Variants in PARD3B observed in about 807,000 individuals in gnomAD.
PARD3B encodes the protein par-3 family cell polarity regulator beta.
PARD3B carries 103 observed loss-of-function variants against 130.2 expected under a neutral mutation model. The observed-to-expected ratio is 0.79, with a 90% confidence interval of 0.67 to 0.93. The LOEUF (loss-of-function observed/expected upper bound fraction) is 0.93, where lower values mean the gene tolerates loss of function less well. PARD3B is among the 40% of genes least tolerant of loss of function. The probability of loss-of-function intolerance (pLI) is 0.00; values close to 1 mark genes in which losing one functional copy is unlikely to be tolerated. For missense variants in PARD3B, 1,609 were observed against 1,499.2 expected (o/e 1.07, Z -1.21); for synonymous variants, 583 against 553.2 (o/e 1.05, Z -0.76).
chr2:205,453,344 G>A (rs2048166912), intron 20 of PARD3B, among the ~76,000 whole-genome samples: 3 of 152,142 alleles, frequency 2.0e-5, no homozygotes, highest in Admixed American at 6.6e-5. Context: ...AGTGTAGAGT[G>A]TAAGTCAGGG....
At chr2:204,728,665 G>C (rs73984286) in intron 2 of PARD3B, among the ~76,000 whole-genome samples, 4,183 of 152,220 alleles carry the variant, frequency 0.027, 164 homozygotes, top group East Asian at 0.14. Context: ...CAGTAAAATT[G>C]TTACTGTCTT....
chr2:205,270,579 AAAAG>A lies in PARD3B; in HGVS notation c.2185+24776_2185+24779del, dbSNP rs368823508. On this transcript the variant is annotated intron_variant, in intron 16 of 22. Transcript: ENST00000406610. Reference sequence around the variant, plus strand: ...GAGACTCCATCTCAAAAAAAAAACAAAAAGAAAGAAAGAAAGAAAGAACACCCTA... The same window carrying A: ...GAGACTCCATCTCAAAAAAAAAACAAAAAGAAAGAAAGAAAGAACACCCTA... 3.2e-3 allele frequency among the ~76,000 whole-genome samples: 494 copies of A among 152,058 alleles called. 3 individuals are homozygous for A. Among genetic ancestry groups the A allele is most frequent in the African/African-American group, 0.011 (467 of 41,492 alleles).
intron 19 of PARD3B, among the ~76,000 whole-genome samples, chr2:205,425,306 G>T (rs1406986828): frequency 1.3e-5 from 2 of 152,146 alleles, no homozygotes; most frequent in Non-Finnish European, 2.9e-5. Flanking sequence ...TATGAGAATA[G>T]AAATTACAGG....
At chr2:205,103,080 A>ATATTTTTT (rs1166095474) in intron 4 of PARD3B, among the ~76,000 whole-genome samples, 5 of 126,500 alleles carry the variant, frequency 4.0e-5, no homozygotes, top group African/African-American at 1.3e-4. Flanking sequence ...ATAAAAATAT[A>ATATTTTTT]TATTTTTTTA....
intron 2 of PARD3B, among the ~76,000 whole-genome samples, chr2:204,931,994 A>T (rs1688069979): frequency 6.6e-6 from 1 of 152,098 alleles, no homozygotes; most frequent in South Asian, 2.1e-4. Context: ...TACTAGAAAG[A>T]GACAATCTAA....
At chr2:204,598,049 A>T (rs2033368613) in intron 1 of PARD3B, among the ~76,000 whole-genome samples, 1 of 152,096 alleles carries the variant, frequency 6.6e-6, no homozygotes, top group Non-Finnish European at 1.5e-5. Flanking sequence ...TCTAGAGGGG[A>T]ATTTGATATT....
intron 2 of PARD3B, among the ~76,000 whole-genome samples, chr2:204,744,098 A>C (rs1243848440): frequency 6.6e-6 from 1 of 152,118 alleles, no homozygotes; most frequent in Non-Finnish European, 1.5e-5. Flanking sequence ...TCTTTTCTCA[A>C]CTCTCAATTG....
intron 2 of PARD3B, among the ~76,000 whole-genome samples, chr2:204,754,385 C>T (rs887370251): frequency 6.6e-6 from 1 of 152,132 alleles, no homozygotes; most frequent in Non-Finnish European, 1.5e-5. Flanking sequence ...GAAAGGCAGT[C>T]TTCCTGGGTT....
chr2:204,605,822 A>G (rs2033701492), intron 1 of PARD3B, among the ~76,000 whole-genome samples: 1 of 152,152 alleles, frequency 6.6e-6, no homozygotes, highest in African/African-American at 2.4e-5. Flanking sequence ...TTGTTTTATT[A>G]TTATTGCTGC....
intron 3 of PARD3B, among the ~76,000 whole-genome samples, chr2:204,999,528 G>T (rs988280258): frequency 4.6e-5 from 7 of 152,128 alleles, no homozygotes; most frequent in African/African-American, 1.7e-4. Flanking sequence ...CCTGATACCA[G>T]TTCCAAGCGC....
intron 14 of PARD3B, among the ~76,000 whole-genome samples, chr2:205,186,195 GA>G (rs1242563718): frequency 6.6e-6 from 1 of 151,986 alleles, no homozygotes; most frequent in African/African-American, 2.4e-5. Context: ...ACAAAACTGA[GA>G]AAATAGGAAG....
intron 18 of PARD3B, among the ~76,000 whole-genome samples, chr2:205,306,594 A>G (rs2042192395): frequency 6.6e-6 from 1 of 152,150 alleles, no homozygotes; most frequent in Non-Finnish European, 1.5e-5. Flanking sequence ...TGTCCCATAT[A>G]TTCTGTATTT....
At chr2:204,762,413 G>C (rs73060938) in intron 2 of PARD3B, among the ~76,000 whole-genome samples, 1 of 151,946 alleles carries the variant, frequency 6.6e-6, no homozygotes, top group Admixed American at 6.6e-5. Context: ...CATGAGCCAC[G>C]GCGCCCAACC....
chr2:205,059,010 C>T (rs535580066), intron 4 of PARD3B, among the ~76,000 whole-genome samples: 2 of 151,226 alleles, frequency 1.3e-5, no homozygotes, highest in South Asian at 4.2e-4. Flanking sequence ...TACCAAATTC[C>T]ACATTATGAA....
At chr2:205,305,594 A>G (rs2042159548) in intron 18 of PARD3B, among the ~76,000 whole-genome samples, 1 of 152,212 alleles carries the variant, frequency 6.6e-6, no homozygotes, top group South Asian at 2.1e-4. Flanking sequence ...ATATATTTAG[A>G]TAAGAATTTT....
chr2:204,920,444 A>G (rs974405318), intron 2 of PARD3B, among the ~76,000 whole-genome samples: 2 of 152,136 alleles, frequency 1.3e-5, no homozygotes, highest in East Asian at 1.9e-4. Flanking sequence ...TGAGTACACA[A>G]CCATGGCCTT....
intron 13 of PARD3B, among the ~76,000 whole-genome samples, chr2:205,184,470 C>T (rs553001115): frequency 2.0e-5 from 3 of 152,076 alleles, no homozygotes; most frequent in Non-Finnish European, 4.4e-5. Flanking sequence ...TGGCCCGGCG[C>T]GGTGGCTCAC....
intron 4 of PARD3B, among the ~76,000 whole-genome samples, chr2:205,068,665 A>T (rs992475959): frequency 2.6e-5 from 4 of 152,090 alleles, no homozygotes; most frequent in Non-Finnish European, 1.5e-5. Flanking sequence ...GCACTGAAAC[A>T]TGTTTGTTTC....
intron 2 of PARD3B, among the ~76,000 whole-genome samples, chr2:204,711,467 T>C (rs889784759): frequency 6.6e-6 from 1 of 152,226 alleles, no homozygotes; most frequent in African/African-American, 2.4e-5. Flanking sequence ...AATAGGTATA[T>C]GTGATCTCTG....
Sources: gnomAD v4.1 joint callset for allele counts (sites outside exome capture counted in the v4.1 genomes callset) on GRCh38, gnomAD v4.1.1 for gene constraint, MANE v1.5 for transcripts, NCBI Gene and HGNC (gene_info 2026-07-23, HGNC 2026-07-21) for gene names.